The following ANKRD29 variants were observed in gnomAD, a reference collection of about 807,000 sequenced individuals.
ANKRD29 encodes ankyrin repeat domain-containing protein 29.
A neutral mutation model predicts 38.0 loss-of-function variants in ANKRD29; 32 were observed. That is an observed-to-expected ratio of 0.84 (90% CI 0.64 to 1.13). The LOEUF is 1.13. ANKRD29 is among the 50% of genes most tolerant of loss of function. The pLI is 0.00. For missense variants in ANKRD29, 357 were observed against 377.9 expected, an observed-to-expected ratio of 0.94 and a Z score of 0.46; for synonymous variants, 135 against 152.4, an observed-to-expected ratio of 0.89 and a Z score of 0.84.
chr18:23,613,387 G>C (rs2059668963), intron 8 of ANKRD29, among the ~76,000 whole-genome samples: 2 of 151,860 alleles, frequency 1.3e-5, no homozygotes, highest in Admixed American at 6.6e-5. Flanking sequence ...GCCTGGGCTG[G>C]TCGCCAACTC....
chr18:23,640,092 A>G (rs1232974413), intron 3 of ANKRD29, among the ~76,000 whole-genome samples: 1 of 152,236 alleles, frequency 6.6e-6, no homozygotes, highest in Non-Finnish European at 1.5e-5. Context: ...ACCACAATAA[A>G]AAACAATAAA....
intron 8 of ANKRD29, among the ~76,000 whole-genome samples, chr18:23,613,164 ATTTTTTT>A (rs546475443): frequency 3.0e-5 from 3 of 99,056 alleles, no homozygotes; most frequent in Non-Finnish European, 5.8e-5. Flanking sequence ...ACGGGTCAGA[ATTTTTTT>A]TTTTTTTTTT....
Position 23,632,635 on chromosome 18 carries a change from G to A in ANKRD29, c.429+1416C>T, listed in dbSNP as rs1476012199. On this transcript the variant is annotated intron_variant, in intron 5 of 9. Coordinates refer to ENST00000592179, the MANE Select transcript of ANKRD29 (RefSeq NM_173505.4). ...GTGCTTCTTAGATTAGGCTACATGT[G>A]AGAACTACCTGTTGCCCAAGCTGTG... 4.6e-5 allele frequency among the ~76,000 whole-genome samples: 7 copies of A among 151,932 alleles called. No individual in the cohort carries two copies. The East Asian group carries it at 1.4e-3, about 29-fold the overall frequency.
chr18:23,623,544 G>T lies in ANKRD29; in HGVS notation c.529-3915C>A, dbSNP rs539010536. On this transcript the variant is annotated intron_variant, in intron 6 of 9. Coordinates refer to ENST00000592179, the MANE Select transcript of ANKRD29 (RefSeq NM_173505.4). ...TCACACCTGTAATCCCAGCACTTTGGGGGGCCAAGGCGGGAGGATGGCTTG... is the reference window on the plus strand; with the variant it reads ...TCACACCTGTAATCCCAGCACTTTGTGGGGCCAAGGCGGGAGGATGGCTTG... Among the ~76,000 whole-genome samples the T allele has an allele frequency of 2.6e-5, 4 of 152,062 alleles. No individual in the cohort carries two copies. In the South Asian group the frequency reaches 8.3e-4, roughly 32 times the overall value.
At chr18:23,608,241 A>C (rs2059596844) in intron 9 of ANKRD29, among the ~76,000 whole-genome samples, 1 of 152,236 alleles carries the variant, frequency 6.6e-6, no homozygotes, top group Non-Finnish European at 1.5e-5. Flanking sequence ...GAATGAAAGA[A>C]TGAAAGCCAA....
At chr18:23,635,589 C>T (rs971518097) in intron 4 of ANKRD29, among the ~76,000 whole-genome samples, 4 of 152,180 alleles carry the variant, frequency 2.6e-5, no homozygotes, top group Non-Finnish European at 5.9e-5. Context: ...AAACACATAA[C>T]CTGGTTCTAA....
At chr18:23,660,462 A>T (rs2060344607) in intron 1 of ANKRD29, among the ~76,000 whole-genome samples, 1 of 152,234 alleles carries the variant, frequency 6.6e-6, no homozygotes, top group African/African-American at 2.4e-5. Flanking sequence ...ATTTTAAAGC[A>T]AACAAACACT....
At chr18:23,601,910 A>T (rs970752324) in intron 9 of ANKRD29, among the ~76,000 whole-genome samples, 1 of 151,872 alleles carries the variant, frequency 6.6e-6, no homozygotes, top group Non-Finnish European at 1.5e-5. Context: ...CTTCTGCCTC[A>T]GCTTCCAAAG....
At chr18:23,614,028 G>C (rs535057487) in intron 8 of ANKRD29, among the ~76,000 whole-genome samples, 1 of 152,008 alleles carries the variant, frequency 6.6e-6, no homozygotes, top group Non-Finnish European at 1.5e-5. Context: ...CAGTGTGCCC[G>C]GCCTTTACAA....
intron 4 of ANKRD29, among the ~76,000 whole-genome samples, chr18:23,637,054 G>A (rs1209572640): frequency 6.6e-6 from 1 of 151,886 alleles, no homozygotes; most frequent in African/African-American, 2.4e-5. Flanking sequence ...CTCATCCTGA[G>A]TTCCATGTTC....
intron 8 of ANKRD29, 147 bp downstream of exon 8, chr18:23,617,585 T>C (rs2059740957): frequency 3.8e-6 from 2 of 528,482 alleles, no homozygotes; most frequent in Non-Finnish European, 6.8e-6. Context: ...GCCCCTGGGA[T>C]CTCCAGCATC....
At chr18:23,615,886 T>C (rs892492876) in intron 8 of ANKRD29, among the ~76,000 whole-genome samples, 4 of 148,014 alleles carry the variant, frequency 2.7e-5, no homozygotes, top group Non-Finnish European at 4.5e-5. Context: ...GTATATATAG[T>C]ATATATTTAT....
intron 5 of ANKRD29, among the ~76,000 whole-genome samples, chr18:23,630,974 A>AG (rs1568028315): frequency 6.7e-6 from 1 of 150,234 alleles, no homozygotes; most frequent in African/African-American, 2.4e-5. Flanking sequence ...TCTCAAAAAA[A>AG]AAAAAAAAGA....
At chr18:23,626,057 C>A (rs1308528281) in intron 6 of ANKRD29, among the ~76,000 whole-genome samples, 2 of 152,204 alleles carry the variant, frequency 1.3e-5, no homozygotes, top group East Asian at 1.9e-4. Context: ...CCTGCCCTTG[C>A]CAAGCAGCAA....
rs2060220395 is a variant in ANKRD29 at position 23,652,347 on chromosome 18, C to T, written c.22-3154G>A. 2.0e-5 allele frequency among the ~76,000 whole-genome samples: 3 copies of T among 152,190 alleles called. No individual in the cohort carries two copies. In the South Asian group the frequency reaches 6.2e-4, roughly 31 times the overall value. ...GGAAAGTGAGAAATGGCAAGTCAGG[C>T]TTCAGCAACAGGCAGTCTCTTGCTT... On this transcript the variant is annotated intron_variant, in intron 1 of 9. Transcript: ENST00000592179.
At chr18:23,619,394 C>A in intron 7 of ANKRD29, 137 bp downstream of exon 7, 1 of 811,214 alleles carries the variant, frequency 1.2e-6, no homozygotes, top group Non-Finnish European at 1.9e-6. Flanking sequence ...CCGAATCAGA[C>A]CTTGACTTTG....
At chr18:23,646,552 G>A (rs2060142792) in intron 2 of ANKRD29, 1 of 324,882 alleles carries the variant, frequency 3.1e-6, no homozygotes, top group South Asian at 7.7e-5. Context: ...ATGAACCATA[G>A]TTACTGCATT....
intron 2 of ANKRD29, 131 bp downstream of exon 2, chr18:23,648,952 A>G: frequency 2.6e-6 from 2 of 762,510 alleles, no homozygotes; most frequent in Non-Finnish European, 2.1e-6. Flanking sequence ...TGGATGTTTT[A>G]AAAAGGATAA....
At chr18:23,644,593 A>T (rs954172270) in intron 3 of ANKRD29, among the ~76,000 whole-genome samples, 1 of 152,204 alleles carries the variant, frequency 6.6e-6, no homozygotes, top group African/African-American at 2.4e-5. Flanking sequence ...TCAAGAGACC[A>T]GGCCTGTTGA....
Sources: gnomAD v4.1 joint callset for allele counts (sites outside exome capture counted in the v4.1 genomes callset) on GRCh38, gnomAD v4.1.1 for gene constraint, MANE v1.5 for transcripts, NCBI Gene and HGNC (gene_info 2026-07-23, HGNC 2026-07-21) for gene names.